FAAP20: variants seen among roughly 807,000 people sequenced by gnomAD.
FAAP20 encodes the protein FA core complex associated protein 20, also known as Fanconi anemia core complex-associated protein 20.
A neutral mutation model predicts 16.2 loss-of-function variants in FAAP20; 12 were observed. The observed-to-expected ratio is 0.74, with a 90% CI of 0.48 to 1.20. FAAP20 has a LOEUF of 1.20. Among genes scored for constraint, FAAP20 ranks in the 50% most tolerant of loss-of-function variants. The probability of loss-of-function intolerance (pLI) is 0.00; values close to 1 mark genes in which losing one functional copy is unlikely to be tolerated. For missense variants in FAAP20, 288 were observed against 245.8 expected (o/e 1.17, Z -1.15); for synonymous variants, 141 against 110.7 (o/e 1.27, Z -1.72).
downstream of FAAP20, among the ~76,000 whole-genome samples, chr1:2,210,898 A>T (rs1689416487): frequency 6.6e-6 from 1 of 152,256 alleles, no homozygotes; most frequent in Non-Finnish European, 1.5e-5. Context: ...CAGGGACGCA[A>T]GCTGGCGATT....
At chr1:2,190,216 G>A (rs1203705378) in intron 3 of FAAP20, 3 of 461,146 alleles carry the variant, frequency 6.5e-6, no homozygotes, top group Admixed American at 4.7e-5. Flanking sequence ...GGCAGTGGAT[G>A]TGCAGCTCAC....
downstream of FAAP20, among the ~76,000 whole-genome samples, chr1:2,208,686 G>C (rs1215413546): frequency 6.6e-6 from 1 of 152,340 alleles, no homozygotes; most frequent in East Asian, 1.9e-4. Flanking sequence ...TGCTCGGCCA[G>C]AGCGGGTAAG....
upstream of FAAP20, chr1:2,199,037 C>T: frequency 8.1e-7 from 1 of 1,238,698 alleles, no homozygotes; most frequent in Non-Finnish European, 1.0e-6. This position sits in a 1 kb window ranked among gnomAD's most constrained non-coding sequence, Gnocchi z 4.5. Flanking sequence ...CACCGACAGC[C>T]TCCTCACAGC....
chr1:2,193,044 A>G, intron 3 of FAAP20: 2 of 1,288,048 alleles, frequency 1.6e-6, no homozygotes, highest in South Asian at 1.2e-5. Context: ...CCTGCCGCCC[A>G]TTAACTCAAC....
At chr1:2,194,791 C>T, upstream of FAAP20, 3 of 1,097,836 alleles carry the variant, frequency 2.7e-6, no homozygotes, top group East Asian at 4.9e-5. Context: ...GCCCCGCCCC[C>T]GCCCCTCCAG....
chr1:2,197,934 C>A (rs1451505874), upstream of FAAP20: 30 of 1,239,618 alleles, frequency 2.4e-5, no homozygotes, highest in Non-Finnish European at 3.1e-5. Flanking sequence ...GCCTGCCAGC[C>A]GAGGGCCTGG....
upstream of FAAP20, chr1:2,198,539 C>A: frequency 3.3e-6 from 2 of 606,712 alleles, no homozygotes; most frequent in South Asian, 3.8e-5. Flanking sequence ...CTCTGCCCAG[C>A]GCTGACACCC....
downstream of FAAP20, among the ~76,000 whole-genome samples, chr1:2,210,600 C>T (rs759420485): frequency 3.1e-4 from 47 of 152,324 alleles, no homozygotes; most frequent in Non-Finnish European, 5.1e-4. Context: ...CGGGGCTCCT[C>T]CTGCCCTCCG....
downstream of FAAP20, among the ~76,000 whole-genome samples, chr1:2,209,279 G>A (rs575073228): frequency 1.3e-3 from 198 of 152,340 alleles, no homozygotes; most frequent in South Asian, 4.6e-3. Flanking sequence ...TTTTAGGGCT[G>A]CTGAGATGGA....
chr1:2,198,147 A>T (rs1254121173), upstream of FAAP20: 7 of 1,289,176 alleles, frequency 5.4e-6, no homozygotes, highest in Middle Eastern at 2.1e-4. Flanking sequence ...GTTTTGCTTT[A>T]TTGGAAAATA....
downstream of FAAP20, among the ~76,000 whole-genome samples, chr1:2,209,533 G>A (rs1458357717): frequency 6.6e-6 from 1 of 152,184 alleles, no homozygotes. Context: ...GCGCCCTCAG[G>A]GCCCAGCCCC....
chr1:2,210,708 A>G (rs1001305191), downstream of FAAP20, among the ~76,000 whole-genome samples: 2 of 152,206 alleles, frequency 1.3e-5, no homozygotes, highest in Non-Finnish European at 1.5e-5. Flanking sequence ...AGCAGAGCAC[A>G]CACATGCACC....
At chr1:2,196,012 C>T (rs1015367474), upstream of FAAP20, among the ~76,000 whole-genome samples, 3 of 152,130 alleles carry the variant, frequency 2.0e-5, no homozygotes, top group Admixed American at 2.0e-4. This position sits in a 1 kb window ranked among gnomAD's most constrained non-coding sequence, Gnocchi z 4.5. Flanking sequence ...TCTCAGGGGG[C>T]CCTGTGGGAG....
chr1:2,185,043 TTGAC>T, downstream of FAAP20: 1 of 1,565,562 alleles, frequency 6.4e-7, no homozygotes, highest in Non-Finnish European at 8.7e-7. Context: ...ACACGCGTGA[TTGAC>T]CCTTTAACTG....
chr1:2,198,590 G>T, upstream of FAAP20: 1 of 1,024,332 alleles, frequency 9.8e-7, no homozygotes, highest in Non-Finnish European at 1.3e-6. Flanking sequence ...CCCTGAGGCT[G>T]GCAGGCCTAA....
upstream of FAAP20, chr1:2,198,940 A>G: frequency 2.3e-6 from 3 of 1,289,650 alleles, no homozygotes; most frequent in South Asian, 2.5e-5. Context: ...TGCCTGGGAA[A>G]CATCGCCAGA....
At chr1:2,194,656 C>A (rs947479156) in intron 1 of FAAP20, 32 bp downstream of exon 1, 2 of 1,077,998 alleles carry the variant, frequency 1.9e-6, no homozygotes, top group Non-Finnish European at 2.3e-6. Context: ...GCGGGAAAAC[C>A]GGCCGCGCCC....
intron 3 of FAAP20, chr1:2,192,070 C>G: frequency 4.1e-6 from 4 of 985,606 alleles, no homozygotes; most frequent in Non-Finnish European, 4.8e-6. Context: ...CCAGGCTCAG[C>G]AGGCGCCTGT....
chr1:2,208,752 A>T (rs1475420518), downstream of FAAP20, among the ~76,000 whole-genome samples: 2 of 152,144 alleles, frequency 1.3e-5, no homozygotes, highest in Admixed American at 1.3e-4. Context: ...GGGGCCCCAG[A>T]GGGGTTTGGG....
Sources: allele counts gnomAD v4.1 joint callset (sites outside exome capture counted in the v4.1 genomes callset), GRCh38; gene constraint gnomAD v4.1.1; non-coding constraint Gnocchi (gnomAD v3.1); transcripts MANE v1.5; gene names NCBI Gene and HGNC (gene_info 2026-07-23, HGNC 2026-07-21).